Variants in FAM135A observed in about 807,000 individuals in gnomAD.
FAM135A encodes family with sequence similarity 135 member A.
A neutral mutation model predicts 146.8 loss-of-function variants in FAM135A; 79 were observed. That is an observed-to-expected ratio of 0.54 (90% CI 0.45 to 0.65). The LOEUF (loss-of-function observed/expected upper bound fraction) is 0.65. FAM135A is among the 30% of genes least tolerant of loss of function. The pLI is 0.00. For missense variants in FAM135A, 1,623 were observed against 1,758.2 expected, an observed-to-expected ratio of 0.92 and a Z score of 1.38; for synonymous variants, 562 against 603.6, an observed-to-expected ratio of 0.93 and a Z score of 1.01.
At chr6:70,556,934 A>G in intron 21 of FAM135A, 71 bp downstream of exon 21, 1 of 1,088,980 alleles carries the variant, frequency 9.2e-7, no homozygotes, top group Non-Finnish European at 1.4e-6. Flanking sequence ...TCTTGTAGTC[A>G]CTTTCTCTCG....
Position 70,482,219 on chromosome 6 carries a change from G to A in FAM135A, c.823+65G>A, listed in dbSNP as rs967834902. 1.0e-4 allele frequency: 154 copies of A among 1,502,464 alleles called. 8 individuals carry two copies. The highest frequency in any genetic ancestry group is 1.8e-4 in the Middle Eastern group (1 of 5,616). 93.1% of individuals were successfully genotyped at this position (1,502,464 alleles called of 1,614,324 possible). On this transcript the variant is annotated intron_variant, in intron 10 of 21. Transcript: ENST00000418814. ...CATTCTCTTCAGTCTTATATTGCTA[G>A]CTATCAGCTTTGCCATAGTTTTTCT... is the stretch of plus-strand genomic sequence containing the variant.
In FAM135A at chr6:70,502,744, C is replaced by G. The variant is rs1380571865; in HGVS notation, c.982C>G (p.His328Asp). The G allele has an allele frequency of 6.2e-7, 1 of 1,612,784 alleles. No individual in the cohort carries two copies. ...WGQFLEVITL[H>D]EELRILLAQE... is the part of the protein sequence containing the mutation. Reference sequence around the variant, plus strand: ...ACAGTTTCTGGAAGTTATAACGCTACACGAAGAACTAAGAATATTATTAGC... The same window carrying G: ...ACAGTTTCTGGAAGTTATAACGCTAGACGAAGAACTAAGAATATTATTAGC... Residue 328 changes from histidine to aspartate, a missense_variant, in exon 12 of 22, where the codon CAC becomes GAC. By Grantham distance (81) the His-to-Asp change is moderately conservative. Coordinates refer to ENST00000418814, the MANE Select transcript of FAM135A (RefSeq NM_001162529.3).
At chr6:70,502,407 T>C (rs1050123293) in intron 11 of FAM135A, among the ~76,000 whole-genome samples, 1 of 151,648 alleles carries the variant, frequency 6.6e-6, no homozygotes, top group African/African-American at 2.4e-5. Context: ...ACATCTTAGA[T>C]ATTGAAATAT....
chr6:70,491,118 A>AT, intron 11 of FAM135A, 35 bp downstream of exon 11: 3 of 1,505,270 alleles, frequency 2.0e-6, no homozygotes, highest in Non-Finnish European at 2.7e-6. Context: ...TCATCAAGTT[A>AT]TTTGAGTGGT....
At chr6:70,485,750 T>G (rs931046601) in intron 10 of FAM135A, among the ~76,000 whole-genome samples, 5 of 152,210 alleles carry the variant, frequency 3.3e-5, no homozygotes, top group African/African-American at 1.2e-4. Flanking sequence ...AGATGAATGA[T>G]GTACATTTTC....
In FAM135A at chr6:70,525,551, T is replaced by C; in HGVS notation, c.2467T>C (p.Cys823Arg). 3.7e-6 allele frequency: 6 copies of C among 1,613,204 alleles called. No individual in the cohort carries two copies. The highest frequency in any genetic ancestry group is 1.7e-4 in the Middle Eastern group (1 of 6,058). The change falls in exon 15 of 22, where the codon TGT becomes CGT. Residue 823 changes from cysteine (C) to arginine (R), a missense_variant. Cys to Arg is a radical substitution (Grantham distance 180). Around this residue, in one of 7 missense-constraint regions of FAM135A, gnomAD observed 1,061 missense variants for 1,113.8 expected, o/e 0.95. Transcript: ENST00000418814. ...YNVKFSLGNH[C>R]TESTSAISEI... Reference sequence around the variant, plus strand: ...TGTAAAATTTTCATTAGGAAATCATTGTACTGAGAGTACAAGTGCTATAAG... The same window carrying C: ...TGTAAAATTTTCATTAGGAAATCATCGTACTGAGAGTACAAGTGCTATAAG...
At chr6:70,423,808 A>G (rs1769398709) in intron 2 of FAM135A, among the ~76,000 whole-genome samples, 1 of 152,166 alleles carries the variant, frequency 6.6e-6, no homozygotes, top group South Asian at 2.1e-4. Flanking sequence ...TTTCTTCCTC[A>G]AGGGAGACAA....
rs7740873 is a variant in FAM135A at position 70,526,513 on chromosome 6, C to T, written c.3429C>T (p.Asn1143=). The T allele has an allele frequency of 0.19, 307,913 of 1,613,012 alleles. 32,982 individuals are homozygous for T. The highest frequency in any genetic ancestry group is 0.47 in the African/African-American group (35,134 of 74,766). ...GTGACTATCTGAGAGATGGTATAAA[C>T]ATGCCTACTGTCTGTACTTCTGGTT... The part of the protein sequence containing the change: ...INSDYLRDGI[N]MPTVCTSGCL... Residue 1143 remains asparagine (N), a synonymous_variant, in exon 15 of 22, where the codon AAC becomes AAT. Coordinates refer to ENST00000418814, the MANE Select transcript of FAM135A (RefSeq NM_001162529.3).
intron 5 of FAM135A, among the ~76,000 whole-genome samples, chr6:70,462,278 T>C (rs1307037250): frequency 6.6e-6 from 1 of 152,190 alleles, no homozygotes; most frequent in African/African-American, 2.4e-5. Flanking sequence ...AGTTTATCAG[T>C]GTGACATTGA....
intron 4 of FAM135A, among the ~76,000 whole-genome samples, chr6:70,447,532 G>A (rs747773196): frequency 6.6e-6 from 1 of 152,210 alleles, no homozygotes; most frequent in Non-Finnish European, 1.5e-5. Context: ...TCAGGCAGAA[G>A]GCTCACAGCT....
chr6:70,449,786 A>G (rs1340325823), intron 4 of FAM135A, among the ~76,000 whole-genome samples: 4 of 152,138 alleles, frequency 2.6e-5, no homozygotes, highest in Non-Finnish European at 5.9e-5. Flanking sequence ...CCAGTAGTGG[A>G]ATTGCTGGAT....
chr6:70,486,936 CTA>C lies in FAM135A; in HGVS notation c.824-4097_824-4096del, dbSNP rs1459026325. Among the ~76,000 whole-genome samples, 3 of 150,368 alleles carry C rather than the reference CTA, an allele frequency of 2.0e-5. No homozygotes were observed. The East Asian group carries it at 5.9e-4, about 29-fold the overall frequency. ...AAGTGAAACTCTGCCTCAAAAAAAA[CTA>C]AACCTAGTTTTCTGCACTGCAGAAA... On this transcript the variant is annotated intron_variant, in intron 10 of 21. Transcript: ENST00000418814.
chr6:70,439,825 A>G (rs751294222), intron 4 of FAM135A, among the ~76,000 whole-genome samples: 2 of 152,226 alleles, frequency 1.3e-5, no homozygotes, highest in Admixed American at 1.3e-4. Context: ...ATAAAAGTAT[A>G]GTAAGCACAC....
chr6:70,526,538 T>G lies in FAM135A; in HGVS notation c.3454T>G (p.Cys1152Gly). The G allele has an allele frequency of 6.2e-7, 1 of 1,613,606 alleles. No individual in the cohort carries two copies. Among genetic ancestry groups the G allele is most frequent in the Non-Finnish European group, 8.5e-7 (1 of 1,179,698 alleles). ...CATGCCTACTGTCTGTACTTCTGGTTGTTTGTCCTTCCCGTCTGCACCACG... is the reference window on the plus strand; with the variant it reads ...CATGCCTACTGTCTGTACTTCTGGTGGTTTGTCCTTCCCGTCTGCACCACG... ...INMPTVCTSG[C>G]LSFPSAPRES... Residue 1152 changes from cysteine to glycine, a missense_variant, in exon 15 of 22, where the codon TGT (cysteine) becomes GGT (glycine). Physicochemically the swap from Cys to Gly is radical, Grantham distance 159 (BLOSUM62 -3). Coordinates refer to ENST00000418814, the MANE Select transcript of FAM135A (RefSeq NM_001162529.3).
intron 16 of FAM135A, 72 bp downstream of exon 16, chr6:70,528,524 C>T: frequency 1.5e-6 from 2 of 1,314,374 alleles, no homozygotes; most frequent in Non-Finnish European, 2.0e-6. Context: ...CATTTAGTTT[C>T]ATTTAGTCTT....
At chr6:70,507,499 C>A (rs1255057257) in intron 12 of FAM135A, among the ~76,000 whole-genome samples, 1 of 152,100 alleles carries the variant, frequency 6.6e-6, no homozygotes, top group Non-Finnish European at 1.5e-5. Flanking sequence ...GATATGAAAT[C>A]TCTCCTTATT....
At position 70,435,970 on chromosome 6, in the gene FAM135A, G is replaced by A. The variant is rs1773026953; in HGVS notation, c.77+7551G>A. ...AGGCCGAAGCAGGCTGATCACCTGA[G>A]GTCAGGAGTTCGAGACCAACCTGGC... On this transcript the variant is annotated intron_variant, in intron 4 of 21. Transcript: ENST00000418814. Among the ~76,000 whole-genome samples the A allele has an allele frequency of 2.6e-5, 4 of 152,188 alleles. No homozygotes were observed. In the South Asian group the frequency reaches 6.2e-4, roughly 24 times the overall value.
chr6:70,552,617 T>C (rs1260288384), intron 20 of FAM135A, among the ~76,000 whole-genome samples: 1 of 151,940 alleles, frequency 6.6e-6, no homozygotes, highest in Non-Finnish European at 1.5e-5. Flanking sequence ...TACAGGTGCC[T>C]GCCACCGTGC....
intron 20 of FAM135A, among the ~76,000 whole-genome samples, chr6:70,543,950 A>ATTT (rs1798384291): frequency 6.6e-6 from 1 of 152,208 alleles, no homozygotes; most frequent in African/African-American, 2.4e-5. Flanking sequence ...ACACATAGGT[A>ATTT]TTAGTTATAG....
Sources: gnomAD v4.1 joint callset for allele counts (sites outside exome capture counted in the v4.1 genomes callset) on GRCh38, gnomAD v4.1.1 for gene constraint, gnomAD v4.1.1 regional missense constraint, MANE v1.5 for transcripts, NCBI Gene and HGNC (gene_info 2026-07-23, HGNC 2026-07-21) for gene names.